Variants in OSBP2 observed in about 807,000 individuals in gnomAD.
OSBP2 encodes the protein oxysterol binding protein 2.
In OSBP2, 66 loss-of-function variants were observed where a neutral mutation model predicts 96.0. The observed-to-expected ratio is 0.69, with a 90% CI of 0.56 to 0.84. The LOEUF (loss-of-function observed/expected upper bound fraction) is 0.84. Among genes scored for constraint, OSBP2 ranks in the 40% least tolerant of loss-of-function variants. The probability of loss-of-function intolerance (pLI) is 0.00; values close to 1 mark genes in which losing one functional copy is unlikely to be tolerated. For missense variants in OSBP2, 1,038 were observed against 1,222.7 expected, an observed-to-expected ratio of 0.85 and a Z score of 2.25; for synonymous variants, 525 against 520.9, an observed-to-expected ratio of 1.01 and a Z score of -0.11.
At chr22:30,801,095 G>T (rs1203993045) in intron 2 of OSBP2, among the ~76,000 whole-genome samples, 1 of 152,162 alleles carries the variant, frequency 6.6e-6, no homozygotes, top group Non-Finnish European at 1.5e-5. Flanking sequence ...TCCAAATGAG[G>T]AAATGCATAA....
At chr22:30,861,504 G>A (rs1055827411) in intron 2 of OSBP2, among the ~76,000 whole-genome samples, 2 of 152,300 alleles carry the variant, frequency 1.3e-5, no homozygotes, top group Admixed American at 6.5e-5. Flanking sequence ...TGACACTGGC[G>A]CTCTGGCTTG....
At chr22:30,896,261 C>T (rs771346126) in intron 12 of OSBP2, among the ~76,000 whole-genome samples, 2 of 152,016 alleles carry the variant, frequency 1.3e-5, no homozygotes, top group Non-Finnish European at 1.5e-5. Flanking sequence ...CTCAAGTGAT[C>T]GGCACACCTC....
At chr22:30,789,919 G>T (rs1359006514) in intron 2 of OSBP2, among the ~76,000 whole-genome samples, 1 of 152,090 alleles carries the variant, frequency 6.6e-6, no homozygotes, top group Non-Finnish European at 1.5e-5. Flanking sequence ...TTTGTGCCAT[G>T]CTCTTTGAGG....
intron 3 of OSBP2, among the ~76,000 whole-genome samples, chr22:30,883,013 G>A (rs990912255): frequency 1.3e-5 from 2 of 152,158 alleles, no homozygotes; most frequent in Non-Finnish European, 2.9e-5. Flanking sequence ...CATAAGTCTT[G>A]TAAATGACAT....
chr22:30,889,139 G>A (rs1316307359), intron 5 of OSBP2, 38 bp from the exon 6 acceptor site: 4 of 1,599,614 alleles, frequency 2.5e-6, no homozygotes, highest in Admixed American at 1.7e-5. Context: ...GAGACCTCGG[G>A]ATTCATTAGT....
upstream of OSBP2, chr22:30,694,119 C>G (rs1167946203): frequency 1.3e-6 from 2 of 1,549,102 alleles, no homozygotes; most frequent in Non-Finnish European, 1.7e-6. Flanking sequence ...ACCCAGGGAT[C>G]CCGGGAGGTC....
chr22:30,870,557 G>A lies in OSBP2; in HGVS notation c.982G>A (p.Ala328Thr), dbSNP rs371214985. Reference sequence around the variant, plus strand: ...CAATGACCTCATCGCCAAGCACGGCGCTGCACTCCAGCGCTCCCTGACAGA... The same window carrying A: ...CAATGACCTCATCGCCAAGCACGGCACTGCACTCCAGCGCTCCCTGACAGA... Reference protein sequence around the residue: ...TCNDLIAKHGAALQRSLTELD... With the variant: ...TCNDLIAKHGTALQRSLTELD... Residue 328 changes from alanine to threonine, a missense_variant, in exon 3 of 14, where the codon GCT becomes ACT. Ala to Thr is a moderately conservative substitution (Grantham distance 58). Transcript: ENST00000332585. The surrounding 1 kb of genome is among the most constrained non-coding windows in gnomAD (Gnocchi z 4.1). The A allele has an allele frequency of 4.0e-5, 64 of 1,614,052 alleles. No individual in the cohort carries two copies. Among genetic ancestry groups the A allele is most frequent in the African/African-American group, 6.7e-5 (5 of 75,026 alleles).
intron 2 of OSBP2, among the ~76,000 whole-genome samples, chr22:30,804,727 A>G (rs1029958097): frequency 3.9e-5 from 6 of 152,192 alleles, no homozygotes; most frequent in African/African-American, 1.4e-4. Flanking sequence ...TTCCACCCAA[A>G]AGTATTTTTT....
At chr22:30,858,423 G>C (rs1203549536) in intron 2 of OSBP2, among the ~76,000 whole-genome samples, 1 of 151,608 alleles carries the variant, frequency 6.6e-6, no homozygotes, top group Admixed American at 6.6e-5. Context: ...TGGGATTACA[G>C]GTGTGAGCCA....
At chr22:30,846,497 C>T (rs2038874096) in intron 2 of OSBP2, among the ~76,000 whole-genome samples, 1 of 152,076 alleles carries the variant, frequency 6.6e-6, no homozygotes, top group Admixed American at 6.6e-5. Flanking sequence ...CCAATTTTCC[C>T]ACATCCTTAC....
intron 2 of OSBP2, among the ~76,000 whole-genome samples, chr22:30,845,663 C>G (rs1270328418): frequency 6.6e-6 from 1 of 151,662 alleles, no homozygotes; most frequent in African/African-American, 2.4e-5. Flanking sequence ...GTGAGCAGAT[C>G]ATGAGGTCAG....
chr22:30,726,977 A>G (rs536924310), intron 1 of OSBP2, among the ~76,000 whole-genome samples: 5 of 152,328 alleles, frequency 3.3e-5, no homozygotes, highest in Non-Finnish European at 5.9e-5. Flanking sequence ...TTTTGAGAGT[A>G]TAAGTGAACC....
chr22:30,907,078 C>G lies in OSBP2; in HGVS notation c.*739C>G, dbSNP rs1246828462. On this transcript the variant is annotated 3_prime_UTR_variant, in exon 14 of 14. Coordinates refer to ENST00000332585, the MANE Select transcript of OSBP2 (RefSeq NM_030758.4). ...TGGATTTGAGGGCAGCAGTCCCTGG[C>G]CTCACCCTAGCCAGCCTGGGTGGCT... 6.6e-6 allele frequency: 1 copy of G among 152,640 alleles called. No individual in the cohort carries two copies. Among genetic ancestry groups the G allele is most frequent in the Non-Finnish European group, 1.5e-5 (1 of 68,066 alleles). 9.5% of individuals were successfully genotyped at this position (152,640 alleles called of 1,614,324 possible).
Position 30,881,828 on chromosome 22 carries a change from T to C in OSBP2, c.1108-5598T>C. The C allele has an allele frequency of 3.1e-6, 4 of 1,303,242 alleles. No individual in the cohort carries two copies. The highest frequency in any genetic ancestry group is 4.0e-6 in the Non-Finnish European group (4 of 988,662). The allele number at this position is 1,303,242 out of a possible 1,614,324, so 80.7% of individuals were successfully genotyped here. A position where few individuals can be genotyped will look rare whatever the true frequency, so the allele number is the denominator to read the frequency against. On this transcript the variant is annotated intron_variant, in intron 3 of 13. Coordinates refer to ENST00000332585, the MANE Select transcript of OSBP2 (RefSeq NM_030758.4). The surrounding 1 kb of genome is among the most constrained non-coding windows in gnomAD (Gnocchi z 4.5). ...GTGGGTGCATCCGGGCTGGGGGAGGTGGACGGGCTCTCTGCATCCATGGGG... is the reference window on the plus strand; with the variant it reads ...GTGGGTGCATCCGGGCTGGGGGAGGCGGACGGGCTCTCTGCATCCATGGGG...
intron 2 of OSBP2, among the ~76,000 whole-genome samples, chr22:30,843,822 C>T (rs1208658575): frequency 2.0e-5 from 3 of 151,494 alleles, no homozygotes; most frequent in Admixed American, 6.6e-5. Context: ...GAGCCAGGAT[C>T]GTGCCACTGC....
chr22:30,693,930 A>G, upstream of OSBP2: 1 of 802,824 alleles, frequency 1.2e-6, no homozygotes, highest in Non-Finnish European at 2.0e-6. Context: ...ACGCCACTGC[A>G]TTCCAGCCTG....
At chr22:30,801,058 T>C (rs903756403) in intron 2 of OSBP2, among the ~76,000 whole-genome samples, 2 of 152,242 alleles carry the variant, frequency 1.3e-5, no homozygotes, top group South Asian at 4.1e-4. Flanking sequence ...AGAAACCTTC[T>C]GTCATAAGAC....
Position 30,817,623 on chromosome 22 carries a change from C to T in OSBP2, c.854-52806C>T, listed in dbSNP as rs111900039. On this transcript the variant is annotated intron_variant, in intron 2 of 13. Transcript: ENST00000332585. Reference sequence around the variant, plus strand: ...GGGAAGACAGGTGGGTGATGTGGTTCGATAGGCTGGGGTGAAAAGGGCTCT... The same window carrying T: ...GGGAAGACAGGTGGGTGATGTGGTTTGATAGGCTGGGGTGAAAAGGGCTCT... 5.6e-3 allele frequency among the ~76,000 whole-genome samples: 846 copies of T among 152,226 alleles called. 7 individuals carry two copies. Among genetic ancestry groups the T allele is most frequent in the African/African-American group, 0.019 (791 of 41,548 alleles).
rs573584653 is a variant in OSBP2, at chr22:30,767,054, CTGGGA to C, written c.853+25692_853+25696del. 4.1e-3 allele frequency among the ~76,000 whole-genome samples: 559 copies of C among 137,210 alleles called. 4 individuals carry two copies. The highest frequency in any genetic ancestry group is 0.015 in the African/African-American group (514 of 34,702). 90.0% of individuals were successfully genotyped at this position (137,210 alleles called of 152,430 possible). A position where few individuals can be genotyped will look rare whatever the true frequency, so the allele number is the denominator to read the frequency against. On this transcript the variant is annotated intron_variant, in intron 2 of 13. Transcript: ENST00000332585. ...GCTTAAGGATGCTACAAAAAAAGCT[CTGGGA>C]TGGGATTTAATTTTTTTTTTTTTTA...
Sources: allele counts gnomAD v4.1 joint callset (sites outside exome capture counted in the v4.1 genomes callset), GRCh38; gene constraint gnomAD v4.1.1; non-coding constraint Gnocchi (gnomAD v3.1); transcripts MANE v1.5; gene names NCBI Gene and HGNC (gene_info 2026-07-23, HGNC 2026-07-21).